The following VPS41 variants were observed in gnomAD, a reference collection of about 807,000 sequenced individuals.
The protein encoded by VPS41 is VPS41 subunit of HOPS complex.
VPS41 carries 85 observed loss-of-function variants against 130.9 expected under a neutral mutation model. The ratio of observed to expected loss-of-function variants is 0.65; its 90% CI spans 0.55 to 0.78. The LOEUF is 0.78. Among genes scored for constraint, VPS41 ranks in the 30% least tolerant of loss-of-function variants. The pLI is 0.00. For synonymous variants in VPS41, 335 were observed against 332.9 expected, an observed-to-expected ratio of 1.01 and a Z score of -0.07; for missense variants, 874 against 1,018.7, an observed-to-expected ratio of 0.86 and a Z score of 1.93.
chr7:38,822,040 C>A (rs1421610825), intron 5 of VPS41, among the ~76,000 whole-genome samples: 2 of 152,120 alleles, frequency 1.3e-5, no homozygotes, highest in Non-Finnish European at 1.5e-5. Context: ...AACCACACTT[C>A]ACTCACAACT....
At chr7:38,858,552 G>C (rs1245288803) in intron 4 of VPS41, among the ~76,000 whole-genome samples, 1 of 152,132 alleles carries the variant, frequency 6.6e-6, no homozygotes, top group Non-Finnish European at 1.5e-5. Flanking sequence ...TTACACCATA[G>C]ACTACAGTGG....
At chr7:38,730,352 A>C (rs541053399) in intron 25 of VPS41, among the ~76,000 whole-genome samples, 1 of 152,242 alleles carries the variant, frequency 6.6e-6, no homozygotes, top group Non-Finnish European at 1.5e-5. Context: ...CCCAAAGAGC[A>C]CTGGCTTTGG....
chr7:38,879,079 C>A (rs539869402), intron 2 of VPS41, among the ~76,000 whole-genome samples: 14 of 152,262 alleles, frequency 9.2e-5, no homozygotes, highest in African/African-American at 3.4e-4. Flanking sequence ...GGCCTTCTAC[C>A]CCCAACTCAG....
intron 2 of VPS41, among the ~76,000 whole-genome samples, chr7:38,883,846 T>A (rs2116389037): frequency 6.6e-6 from 1 of 152,292 alleles, no homozygotes; most frequent in Admixed American, 6.5e-5. Context: ...TCCAAACATA[T>A]AATTTTTATA....
chr7:38,737,289 T>G (rs1795788407), intron 25 of VPS41, among the ~76,000 whole-genome samples: 1 of 152,056 alleles, frequency 6.6e-6, no homozygotes, highest in Non-Finnish European at 1.5e-5. Context: ...GGAGAATTGT[T>G]TGAACTAGAG....
intron 1 of VPS41, 77 bp downstream of exon 1, chr7:38,909,077 C>T: frequency 6.4e-7 from 1 of 1,567,580 alleles, no homozygotes. Context: ...CCTCCACCCA[C>T]TCCACTCCAC....
At chr7:38,847,294 T>TAA (rs3839726) in intron 4 of VPS41, among the ~76,000 whole-genome samples, 27 of 150,032 alleles carry the variant, frequency 1.8e-4, no homozygotes, top group East Asian at 1.2e-3. Context: ...ATGGGTTTGG[T>TAA]AAAAAAAAAA....
chr7:38,829,982 C>T (rs565745313), intron 5 of VPS41, among the ~76,000 whole-genome samples: 12 of 152,178 alleles, frequency 7.9e-5, no homozygotes, highest in Admixed American at 2.0e-4. Flanking sequence ...AGAAGTGGCA[C>T]GGTAGTAATG....
chr7:38,804,381 T>C (rs571714550), intron 7 of VPS41, among the ~76,000 whole-genome samples: 1 of 152,336 alleles, frequency 6.6e-6, no homozygotes, highest in South Asian at 2.1e-4. Flanking sequence ...CCCCTCTATG[T>C]ATCCATGTGT....
intron 3 of VPS41, among the ~76,000 whole-genome samples, chr7:38,863,448 T>A (rs750429843): frequency 6.6e-6 from 1 of 152,174 alleles, no homozygotes; most frequent in South Asian, 2.1e-4. Context: ...ACGCTCAAAT[T>A]TACAGGCACT....
rs1795493671 is a variant in VPS41, at chr7:38,724,303, TAATGTA to T, written c.*1937_*1942del. The T allele has an allele frequency of 6.6e-6, 1 of 152,170 alleles. No individual in the cohort carries two copies. Among genetic ancestry groups the T allele is most frequent in the African/African-American group, 2.4e-5 (1 of 41,440 alleles). 9.4% of individuals were successfully genotyped at this position (152,170 alleles called of 1,614,324 possible). ...GCTTGCTCAAATCATAAGTGAGGAT[TAATGTA>T]AATGTAATAAACTGAATCTGTAAAT... On this transcript the variant is annotated 3_prime_UTR_variant, in exon 29 of 29. Transcript: ENST00000310301.
intron 2 of VPS41, among the ~76,000 whole-genome samples, chr7:38,872,318 T>C (rs887465727): frequency 6.6e-6 from 1 of 152,214 alleles, no homozygotes; most frequent in Non-Finnish European, 1.5e-5. Context: ...GCCCCATCCA[T>C]GTTTCATATG....
intron 7 of VPS41, among the ~76,000 whole-genome samples, chr7:38,800,556 G>A (rs1328454978): frequency 6.6e-6 from 1 of 152,168 alleles, no homozygotes; most frequent in African/African-American, 2.4e-5. Context: ...ACTGGAGATT[G>A]GGTGCAGCGG....
chr7:38,752,476 T>C (rs1783696932), intron 21 of VPS41, among the ~76,000 whole-genome samples, 163 bp from the exon 22 acceptor site: 1 of 151,986 alleles, frequency 6.6e-6, no homozygotes, highest in Non-Finnish European at 1.5e-5. Flanking sequence ...GGAAAACCCT[T>C]TGGGAGAGCA....
chr7:38,821,330 T>A, intron 5 of VPS41, 65 bp from the exon 6 acceptor site: 1 of 1,087,444 alleles, frequency 9.2e-7, no homozygotes, highest in Non-Finnish European at 1.4e-6. Context: ...TGAGTCAGTA[T>A]GAACACATAC....
intron 9 of VPS41, among the ~76,000 whole-genome samples, chr7:38,792,341 G>A (rs917619510): frequency 6.6e-6 from 1 of 152,162 alleles, no homozygotes; most frequent in Non-Finnish European, 1.5e-5. Flanking sequence ...CTCCACATGG[G>A]TGGATAACAG....
chr7:38,782,869 C>T (rs994684285), intron 10 of VPS41, among the ~76,000 whole-genome samples: 10 of 152,136 alleles, frequency 6.6e-5, no homozygotes, highest in African/African-American at 2.2e-4. Flanking sequence ...TTAATCACAG[C>T]AATTTGGGAG....
intron 2 of VPS41, among the ~76,000 whole-genome samples, chr7:38,897,792 G>A (rs1787041027): frequency 6.6e-6 from 1 of 152,214 alleles, no homozygotes; most frequent in South Asian, 2.1e-4. Flanking sequence ...TGAGGGGGAT[G>A]TTAAAGTGTT....
intron 2 of VPS41, among the ~76,000 whole-genome samples, chr7:38,878,793 A>G (rs989988369): frequency 6.6e-6 from 1 of 152,380 alleles, no homozygotes; most frequent in Non-Finnish European, 1.5e-5. Context: ...CTAAGAATGA[A>G]GAGCCACGAA....
Sources: allele counts gnomAD v4.1 joint callset (sites outside exome capture counted in the v4.1 genomes callset), GRCh38; gene constraint gnomAD v4.1.1; transcripts MANE v1.5; gene names NCBI Gene and HGNC (gene_info 2026-07-23, HGNC 2026-07-21).